RLBP1: variants seen among roughly 807,000 people sequenced by gnomAD.
RLBP1 encodes the protein retinaldehyde binding protein 1.
Under a neutral mutation model 36.2 loss-of-function variants are expected in RLBP1, and 26 were observed. The observed-to-expected ratio is 0.72, with a 90% CI of 0.53 to 1.00. The LOEUF is 1.00. Among genes scored for constraint, RLBP1 ranks in the 50% least tolerant of loss-of-function variants. The pLI is 0.00. For synonymous variants in RLBP1, 155 were observed against 156.2 expected, an observed-to-expected ratio of 0.99 and a Z score of 0.06; for missense variants, 410 against 402.4, an observed-to-expected ratio of 1.02 and a Z score of -0.16.
rs538749715 is a variant in RLBP1, at chr15:89,217,677, T to C, written c.142-353A>G. On this transcript the variant is annotated intron_variant, in intron 4 of 8. Transcript: ENST00000268125. The stretch of plus-strand genomic sequence containing the variant: ...TGGTAGGTGTTCTTATCCCCAGCTC[T>C]CAGATGAGCAGACTGAGGCTCATAA... Among the ~76,000 whole-genome samples the C allele has an allele frequency of 1.4e-4, 22 of 152,334 alleles. No homozygotes were observed. In the East Asian group the frequency reaches 4.2e-3, roughly 29 times the overall value.
At position 89,210,841 on chromosome 15, in the gene RLBP1, T is replaced by A. The variant is rs1407344491; in HGVS notation, c.685-32A>T. 21 of 1,447,902 alleles carry A rather than the reference T, an allele frequency of 1.5e-5. No homozygotes were observed. The highest frequency in any genetic ancestry group is 2.0e-5 in the Non-Finnish European group (21 of 1,052,606). The allele number at this position is 1,447,902 out of a possible 1,614,324, so 89.7% of individuals were successfully genotyped here. A position where few individuals can be genotyped will look rare whatever the true frequency, so the allele number is the denominator to read the frequency against. On this transcript the variant is annotated intron_variant, in intron 7 of 8. Transcript: ENST00000268125. This position sits in a 1 kb window ranked among gnomAD's most constrained non-coding sequence, Gnocchi z 4.7. ...TGACAGAGAGATACCCCGTTCCCCA[T>A]GGCCCCAGTGACCTCAGAGGCTCCC...
In RLBP1 at chr15:89,217,241, G is replaced by A. The variant is rs1596184543; in HGVS notation, c.225C>T (p.Ala75=). 1.9e-6 allele frequency: 3 copies of A among 1,612,094 alleles called. No homozygotes were observed. The Admixed American group carries it at 5.0e-5, about 27-fold the overall frequency. The change falls in exon 5 of 9, where the codon GCC becomes GCT. Residue 75 remains alanine (A), a synonymous_variant. Transcript: ENST00000268125. ...ELQEMVQAQA[A]SGEELAVAVA... is the part of the protein sequence containing the mutation. ...CGGCCACCGCCAGCTCCTCCCCCGA[G>A]GCCGCCTGCGCCTGCACCATCTCCT...
intron 5 of RLBP1, among the ~76,000 whole-genome samples, chr15:89,215,812 C>G (rs1266385749): frequency 6.6e-6 from 1 of 152,214 alleles, no homozygotes; most frequent in Non-Finnish European, 1.5e-5. Flanking sequence ...TGCCAAGAGA[C>G]TGCCACATCA....
rs142220660 is a variant in RLBP1 at position 89,217,801 on chromosome 15, C to G, written c.142-477G>C. 6.0e-3 allele frequency among the ~76,000 whole-genome samples: 914 copies of G among 152,248 alleles called. 9 individuals carry two copies. Among genetic ancestry groups the G allele is most frequent in the African/African-American group, 0.021 (879 of 41,542 alleles). ...ACTCTGCTGCCTCCCAGGCTTGATT[C>G]TGATTTTTTCAAAAACACGGCTCTC... On this transcript the variant is annotated intron_variant, in intron 4 of 8. Coordinates refer to ENST00000268125, the MANE Select transcript of RLBP1 (RefSeq NM_000326.5).
chr15:89,219,209 T>C lies in RLBP1; in HGVS notation c.-100-134A>G, dbSNP rs1020514865. 21 of 610,532 alleles carry C rather than the reference T, an allele frequency of 3.4e-5. No individual in the cohort carries two copies. In the South Asian group the frequency reaches 3.8e-4, roughly 11 times the overall value. The allele number at this position is 610,532 out of a possible 1,614,324, so 37.8% of individuals were successfully genotyped here. ...GTCCCAACCTCCATGATTCTGACTC[T>C]GCAGGTGCAGGCTGTGGCCTAGGAA... On this transcript the variant is annotated intron_variant, in intron 2 of 8. Transcript: ENST00000268125.
rs1596180288 is a variant in RLBP1, at chr15:89,210,399, G to A, written c.840C>T (p.Ile280=). The A allele has an allele frequency of 1.9e-6, 3 of 1,614,192 alleles. No homozygotes were observed. The highest frequency in any genetic ancestry group is 2.2e-5 in the East Asian group (1 of 44,884). ...GDDLSGFYQE[I]DENILPSDFG... is the part of the protein sequence containing the mutation. ...AGTCAGAGGGCAGGATGTTCTCATC[G>A]ATCTCCTGGTAGAAACCAGAAAGGT... The change falls in exon 9 of 9, where the codon ATC becomes ATT. Residue 280 remains isoleucine, a synonymous_variant. Coordinates refer to ENST00000268125, the MANE Select transcript of RLBP1 (RefSeq NM_000326.5). The surrounding 1 kb of genome is among the most constrained non-coding windows in gnomAD (Gnocchi z 4.7).
rs2051597993 is a variant in RLBP1 at position 89,218,209 on chromosome 15, G to C, written c.141+356C>G. Among the ~76,000 whole-genome samples, 1 of 152,244 alleles carries C rather than the reference G, an allele frequency of 6.6e-6. No individual in the cohort carries two copies. On this transcript the variant is annotated intron_variant, in intron 4 of 8. Transcript: ENST00000268125. This position sits in a 1 kb window ranked among gnomAD's most constrained non-coding sequence, Gnocchi z 4.6. The stretch of plus-strand genomic sequence containing the variant: ...AAGGTCACACAGCAAGCTGAAAGTA[G>C]GTCTGGTTCTGGAACTCAAGTCTCT...
chr15:89,210,491 AG>A lies in RLBP1; in HGVS notation c.796-49del. On this transcript the variant is annotated intron_variant, in intron 8 of 8. Transcript: ENST00000268125. The surrounding 1 kb of genome is among the most constrained non-coding windows in gnomAD (Gnocchi z 4.7). ...GAACTGAGCAGGAGGAGGTGCCCTA[AG>A]GATGAGGGTTGAGGGAGGAAAGGGG... 6.2e-7 allele frequency: 1 copy of A among 1,607,052 alleles called. No homozygotes were observed. The highest frequency in any genetic ancestry group is 8.5e-7 in the Non-Finnish European group (1 of 1,173,948).
Position 89,218,628 on chromosome 15 carries a change from T to G in RLBP1, c.78A>C (p.Thr26=), listed in dbSNP as rs780567351. Residue 26 remains threonine, a synonymous_variant, in exon 4 of 9, where the codon ACA becomes ACC. Coordinates refer to ENST00000268125, the MANE Select transcript of RLBP1 (RefSeq NM_000326.5). The surrounding 1 kb of genome is among the most constrained non-coding windows in gnomAD (Gnocchi z 4.6). ...CAAAGACAGGTCCATGGTCCTTGGTTGTGAGCTGCTCCAGTTGGGCACGGA... is the reference window on the plus strand; with the variant it reads ...CAAAGACAGGTCCATGGTCCTTGGTGGTGAGCTGCTCCAGTTGGGCACGGA... ...QELRAQLEQL[T]TKDHGPVFGP... The G allele has an allele frequency of 6.2e-7, 1 of 1,614,206 alleles. No individual in the cohort carries two copies. Among genetic ancestry groups the G allele is most frequent in the Non-Finnish European group, 8.5e-7 (1 of 1,180,038 alleles).
intron 6 of RLBP1, among the ~76,000 whole-genome samples, chr15:89,213,686 C>T (rs2150969840): frequency 6.6e-6 from 1 of 152,314 alleles, no homozygotes; most frequent in Admixed American, 6.5e-5. Context: ...ATCTTTAAAA[C>T]ACTCCTGAAA....
chr15:89,215,055 C>T lies in RLBP1; in HGVS notation c.525+5G>A. The T allele has an allele frequency of 1.2e-6, 2 of 1,614,204 alleles. No homozygotes were observed. The highest frequency in any genetic ancestry group is 1.7e-6 in the Non-Finnish European group (2 of 1,180,026). ...AGGGTGGGAGCCAGGCGAGCCCCCA[C>T]TAACCTCATCAAAGGTGATTTCTTG... On this transcript the variant is annotated splice_donor_5th_base_variant and intron_variant, in intron 6 of 8. Coordinates refer to ENST00000268125, the MANE Select transcript of RLBP1 (RefSeq NM_000326.5).
rs575547929 is a variant in RLBP1 at position 89,216,471 on chromosome 15, C to T, written c.346+649G>A. 7.2e-4 allele frequency among the ~76,000 whole-genome samples: 110 copies of T among 152,306 alleles called. 1 individual carries two copies. The highest frequency in any genetic ancestry group is 1.0e-3 in the South Asian group (5 of 4,822). On this transcript the variant is annotated intron_variant, in intron 5 of 8. Coordinates refer to ENST00000268125, the MANE Select transcript of RLBP1 (RefSeq NM_000326.5). ...CCCAGTAGCTGAGATTACAGGCATGCGCCACCACGCCCGGCTAGTTTTGTA... is the reference window on the plus strand; with the variant it reads ...CCCAGTAGCTGAGATTACAGGCATGTGCCACCACGCCCGGCTAGTTTTGTA...
Position 89,211,750 on chromosome 15 carries a change from A to C in RLBP1, c.677T>G (p.Met226Arg). ...RTSDLRKMVD[M>R]LQDSFPARFK... is the part of the protein sequence containing the mutation. ...CAGAACTCTAAGCCTCACCTGGAGC[A>C]TGTCCACCATCTTCCTGAGATCTGA... Residue 226 changes from methionine (M) to arginine (R), a missense_variant, in exon 7 of 9, where the codon ATG (methionine) becomes AGG (arginine). Met to Arg is a moderately conservative substitution (Grantham distance 91). Transcript: ENST00000268125. This position sits in a 1 kb window ranked among gnomAD's most constrained non-coding sequence, Gnocchi z 5.8. 1 of 1,613,884 alleles carries C rather than the reference A, an allele frequency of 6.2e-7. No individual in the cohort carries two copies. Among genetic ancestry groups the C allele is most frequent in the South Asian group, 1.1e-5 (1 of 91,068 alleles).
At position 89,220,911 on chromosome 15, in the gene RLBP1, A is replaced by G. The variant is rs367781424; in HGVS notation, c.-224+624T>C. Among the ~76,000 whole-genome samples, 78 of 152,278 alleles carry G rather than the reference A, an allele frequency of 5.1e-4. 1 individual carries two copies. The highest frequency in any genetic ancestry group is 1.3e-3 in the East Asian group (7 of 5,186). On this transcript the variant is annotated intron_variant, in intron 1 of 8. Coordinates refer to ENST00000268125, the MANE Select transcript of RLBP1 (RefSeq NM_000326.5). ...AATACTGATTTACAAGCTGTACACA[A>G]TGAAAAAATGCCTATCCCTCACACC... is the stretch of plus-strand genomic sequence containing the variant.
At position 89,218,269 on chromosome 15, in the gene RLBP1, T is replaced by C. The variant is rs1277265378; in HGVS notation, c.141+296A>G. On this transcript the variant is annotated intron_variant, in intron 4 of 8. Coordinates refer to ENST00000268125, the MANE Select transcript of RLBP1 (RefSeq NM_000326.5). The surrounding 1 kb of genome is among the most constrained non-coding windows in gnomAD (Gnocchi z 4.6). ...AGCAGGGGCAGCAGTTGGATCCTTG[T>C]TCCCCGGGGCCATTTCCAAACCAAT... 6.6e-6 allele frequency among the ~76,000 whole-genome samples: 1 copy of C among 152,210 alleles called. No homozygotes were observed. Among genetic ancestry groups the C allele is most frequent in the African/African-American group, 2.4e-5 (1 of 41,470 alleles).
chr15:89,213,617 A>G (rs2051555730), intron 6 of RLBP1, among the ~76,000 whole-genome samples: 1 of 152,226 alleles, frequency 6.6e-6, no homozygotes, highest in Non-Finnish European at 1.5e-5. Flanking sequence ...TTTCAGAAGC[A>G]GAGTCTCTCT....
intron 1 of RLBP1, among the ~76,000 whole-genome samples, chr15:89,221,331 G>T (rs1308689863): frequency 6.6e-6 from 1 of 152,188 alleles, no homozygotes; most frequent in African/African-American, 2.4e-5. Flanking sequence ...AAAAGTATTT[G>T]CTGTTCATCT....
rs1245860683 is a variant in RLBP1, at chr15:89,214,726, T to A, written c.525+334A>T. Among the ~76,000 whole-genome samples, 3 of 152,224 alleles carry A rather than the reference T, an allele frequency of 2.0e-5. No individual in the cohort carries two copies. Among genetic ancestry groups the A allele is most frequent in the Admixed American group, 1.3e-4 (2 of 15,284 alleles). ...ATAGTCCACTAATCCCTGTTCTCTC[T>A]GTTGCTCTCAGCATTTAGCATGTGG... On this transcript the variant is annotated intron_variant, in intron 6 of 8. Transcript: ENST00000268125. The surrounding 1 kb of genome is among the most constrained non-coding windows in gnomAD (Gnocchi z 4.6).
rs140569547 is a variant in RLBP1 at position 89,218,972 on chromosome 15, A to T, written c.4T>A (p.Ser2Thr). Reference protein sequence around the residue: MSEGVGTFRMVP... With the variant: MTEGVGTFRMVP... ...GAGGACAGGGTACTTACCCCTTCTG[A>T]CATGTTGCCTATGGAAGACACAGAG... The change falls in exon 3 of 9, where the codon TCA (serine) becomes ACA (threonine). Residue 2 changes from serine to threonine, a missense_variant. Coordinates refer to ENST00000268125, the MANE Select transcript of RLBP1 (RefSeq NM_000326.5). This position sits in a 1 kb window ranked among gnomAD's most constrained non-coding sequence, Gnocchi z 4.6. 6.2e-5 allele frequency: 100 copies of T among 1,614,000 alleles called. No individual in the cohort carries two copies. Among genetic ancestry groups the T allele is most frequent in the Admixed American group, 1.3e-4 (8 of 60,002 alleles).
Sources: gnomAD v4.1 joint callset for allele counts (sites outside exome capture counted in the v4.1 genomes callset) on GRCh38, gnomAD v4.1.1 for gene constraint, Gnocchi (gnomAD v3.1) non-coding constraint, MANE v1.5 for transcripts, NCBI Gene and HGNC (gene_info 2026-07-23, HGNC 2026-07-21) for gene names.